Variants in GPM6B observed in about 807,000 individuals in gnomAD.
The protein encoded by GPM6B is neuronal membrane glycoprotein M6-b.
In GPM6B, 4 loss-of-function variants were observed where a neutral mutation model predicts 27.2. The ratio of observed to expected loss-of-function variants is 0.15; its 90% CI spans 0.07 to 0.34. The LOEUF is 0.34. Among genes scored for constraint, GPM6B ranks in the 10% least tolerant of loss-of-function variants. GPM6B has a pLI of 1.00. For synonymous variants in GPM6B, 124 were observed against 103.1 expected, an observed-to-expected ratio of 1.20 and a Z score of -1.23; for missense variants, 183 against 261.9, an observed-to-expected ratio of 0.70 and a Z score of 2.08.
chrX:13,927,146 T>C (rs757658406), intron 1 of GPM6B, among the ~76,000 whole-genome samples: 1 of 90,189 alleles, frequency 1.1e-5, no homozygotes, highest in East Asian at 3.1e-4. Context: ...ACTTTCAACC[T>C]CTCTAGAGAA....
At chrX:13,850,223 G>C (rs1363315660) in intron 1 of GPM6B, among the ~76,000 whole-genome samples, 1 of 111,971 alleles carries the variant, frequency 8.9e-6, no homozygotes, top group Non-Finnish European at 1.9e-5. Context: ...CTGAGTGGAA[G>C]GGAGTGAGTG....
At position 13,798,863 on chromosome X, in the gene GPM6B, C is replaced by T. The variant is rs921512516; in HGVS notation, c.181+8787G>A. On this transcript the variant is annotated intron_variant, in intron 2 of 7. Transcript: ENST00000316715. ...TGTTTAGCAGCATCCCTGACCTCTA[C>T]ACCACTAGATGCCTAAAAGGCATCT... Among the ~76,000 whole-genome samples, 8 of 112,677 alleles carry T rather than the reference C, an allele frequency of 7.1e-5. No homozygotes were observed. The South Asian group carries it at 2.9e-3, about 41-fold the overall frequency.
chrX:13,793,482 T>C lies in GPM6B; in HGVS notation c.182-7674A>G, dbSNP rs138141554. 8.4e-3 allele frequency among the ~76,000 whole-genome samples: 944 copies of C among 111,860 alleles called. 4 individuals are homozygous for C. The highest frequency in any genetic ancestry group is 0.029 in the African/African-American group (887 of 30,794). ...TGCTAAAATTAACTTTCTAAATTGA[T>C]TGAGACCTATCTCAGATAGCTTTGG... On this transcript the variant is annotated intron_variant, in intron 2 of 7. Transcript: ENST00000316715.
At chrX:13,921,149 A>G (rs1172870711) in intron 1 of GPM6B, among the ~76,000 whole-genome samples, 1 of 112,295 alleles carries the variant, frequency 8.9e-6, no homozygotes, top group Non-Finnish European at 1.9e-5. Flanking sequence ...GTAGGCCCAC[A>G]TCAGCAATAG....
At position 13,830,210 on chromosome X, in the gene GPM6B, G is replaced by A. The variant is rs146545402; in HGVS notation, c.-197-44402C>T. 1.4e-3 allele frequency among the ~76,000 whole-genome samples: 157 copies of A among 111,858 alleles called. 2 individuals carry two copies. In the East Asian group the frequency reaches 0.026, roughly 18 times the overall value. ...GGAGTTCAATAAGGACTCAAAGTCCGTAAAAGGTAAGCATGTTCCATCTAT... is the reference window on the plus strand; with the variant it reads ...GGAGTTCAATAAGGACTCAAAGTCCATAAAAGGTAAGCATGTTCCATCTAT... On this transcript the variant is annotated intron_variant, in intron 1 of 6. Coordinates refer to the GPM6B transcript ENST00000398361.
intron 1 of GPM6B, among the ~76,000 whole-genome samples, chrX:13,830,108 C>T (rs1029519427): frequency 1.8e-4 from 20 of 111,687 alleles, no homozygotes; most frequent in African/African-American, 6.5e-4. Context: ...GAGCTACGTG[C>T]TCCTTGCCAC....
intron 2 of GPM6B, among the ~76,000 whole-genome samples, chrX:13,800,361 C>T (rs2048898989): frequency 8.9e-6 from 1 of 111,937 alleles, no homozygotes; most frequent in African/African-American, 3.3e-5. Context: ...TAAGCTGAGT[C>T]CAGACTCCTG....
At chrX:13,868,196 T>C (rs1431213989) in intron 1 of GPM6B, among the ~76,000 whole-genome samples, 10 of 45,889 alleles carry the variant, frequency 2.2e-4, no homozygotes, top group East Asian at 1.3e-3. Flanking sequence ...AAATTGTGTG[T>C]GTGTGTGTGT....
chrX:13,884,543 GAAAT>G (rs1331029422), intron 1 of GPM6B, among the ~76,000 whole-genome samples: 1 of 112,107 alleles, frequency 8.9e-6, no homozygotes, highest in Non-Finnish European at 1.9e-5. Flanking sequence ...CCATTGTTCT[GAAAT>G]AAAGAGAAAA....
chrX:13,847,836 T>C (rs1270867817), intron 1 of GPM6B, among the ~76,000 whole-genome samples: 1 of 112,171 alleles, frequency 8.9e-6, no homozygotes, highest in Non-Finnish European at 1.9e-5. Context: ...AGGAATAGTA[T>C]GTGCAAAGAT....
intron 1 of GPM6B, among the ~76,000 whole-genome samples, chrX:13,850,876 A>T (rs2049707594): frequency 9.0e-6 from 1 of 111,484 alleles, no homozygotes; most frequent in Non-Finnish European, 1.9e-5. Flanking sequence ...AAAAAAAGTT[A>T]ATCTAGGCCA....
intron 1 of GPM6B, among the ~76,000 whole-genome samples, chrX:13,850,744 T>C (rs1226798861): frequency 1.8e-5 from 2 of 112,714 alleles, no homozygotes; most frequent in African/African-American, 3.2e-5. Flanking sequence ...TCAATGAAAC[T>C]ACATGTAGTC....
chrX:13,788,556 A>T (rs903136173), intron 2 of GPM6B, among the ~76,000 whole-genome samples: 2 of 109,600 alleles, frequency 1.8e-5, no homozygotes, highest in African/African-American at 3.3e-5. Flanking sequence ...ATATAGATGT[A>T]TACATCTATA....
chrX:13,851,026 G>A (rs1022716210), intron 1 of GPM6B, among the ~76,000 whole-genome samples: 18 of 109,060 alleles, frequency 1.7e-4, no homozygotes, highest in East Asian at 1.1e-3. Flanking sequence ...AGCTGGGCGC[G>A]GTGGTGCATG....
intron 1 of GPM6B, among the ~76,000 whole-genome samples, chrX:13,839,224 T>C (rs745422176): frequency 9.0e-6 from 1 of 111,682 alleles, no homozygotes; most frequent in South Asian, 3.8e-4. Context: ...AGCTTAACCG[T>C]TTCAACCAAC....
intron 1 of GPM6B, among the ~76,000 whole-genome samples, chrX:13,933,203 G>A (rs1267183136): frequency 9.0e-6 from 1 of 111,658 alleles, no homozygotes; most frequent in East Asian, 2.8e-4. Flanking sequence ...TCATTCCAAT[G>A]AACATTGGGG....
chrX:13,936,130 C>G (rs1465076473), intron 1 of GPM6B, among the ~76,000 whole-genome samples: 1 of 111,505 alleles, frequency 9.0e-6, no homozygotes, highest in African/African-American at 3.3e-5. Context: ...GATGGCTGCA[C>G]AAATCTGAAT....
chrX:13,847,692 G>A (rs906339002), intron 1 of GPM6B, among the ~76,000 whole-genome samples: 12 of 111,925 alleles, frequency 1.1e-4, no homozygotes, highest in African/African-American at 3.9e-4. Context: ...CCAAATGACA[G>A]CTTTAACACT....
At chrX:13,834,504 A>T (rs995978985) in intron 1 of GPM6B, among the ~76,000 whole-genome samples, 2 of 112,796 alleles carry the variant, frequency 1.8e-5, no homozygotes, top group Non-Finnish European at 3.7e-5. Flanking sequence ...ACCATGCCAT[A>T]CAATTAAGTA....
Sources: allele counts gnomAD v4.1 joint callset (sites outside exome capture counted in the v4.1 genomes callset), GRCh38; gene constraint gnomAD v4.1.1; transcripts MANE v1.5; gene names NCBI Gene and HGNC (gene_info 2026-07-23, HGNC 2026-07-21).